KCNN2: variants seen among roughly 807,000 people sequenced by gnomAD.
KCNN2 encodes the protein potassium calcium-activated channel subfamily N member 2.
KCNN2 carries 24 observed loss-of-function variants against 55.5 expected under a neutral mutation model. The observed-to-expected ratio is 0.43, with a 90% CI of 0.31 to 0.61. The LOEUF is 0.61. KCNN2 is among the 20% of genes least tolerant of loss of function. The pLI is 0.08. For missense variants in KCNN2, 754 were observed against 853.6 expected (o/e 0.88, Z 1.45); for synonymous variants, 431 against 336.1 (o/e 1.28, Z -3.09).
intron 2 of KCNN2, among the ~76,000 whole-genome samples, chr5:114,254,664 T>G (rs1754945431): frequency 6.6e-6 from 1 of 152,230 alleles, no homozygotes; most frequent in South Asian, 2.1e-4. Flanking sequence ...CTTTTCTGTA[T>G]TTTAATAGAG....
chr5:114,473,885 G>A (rs1761859911), intron 5 of KCNN2, among the ~76,000 whole-genome samples: 1 of 152,088 alleles, frequency 6.6e-6, no homozygotes, highest in African/African-American at 2.4e-5. Context: ...CTTGCTCAAA[G>A]TCACCAGATC....
intron 2 of KCNN2, among the ~76,000 whole-genome samples, chr5:114,384,328 A>G (rs1758214111): frequency 1.3e-5 from 2 of 152,198 alleles, no homozygotes; most frequent in Non-Finnish European, 2.9e-5. Context: ...CTTTATCCAT[A>G]ATTAGTTGTT....
chr5:114,088,867 C>T (rs919469633), intron 1 of KCNN2, among the ~76,000 whole-genome samples: 5 of 152,146 alleles, frequency 3.3e-5, no homozygotes, highest in Admixed American at 6.5e-5. Flanking sequence ...GTGATCCACC[C>T]ACTTTGTCCT....
intron 2 of KCNN2, among the ~76,000 whole-genome samples, chr5:114,248,738 T>C (rs1561540019): frequency 6.6e-6 from 1 of 152,224 alleles, no homozygotes; most frequent in Non-Finnish European, 1.5e-5. Context: ...ACAATGTACA[T>C]TATTTAAAGC....
At chr5:114,223,539 A>G (rs1259763947) in intron 2 of KCNN2, among the ~76,000 whole-genome samples, 2 of 152,202 alleles carry the variant, frequency 1.3e-5, no homozygotes, top group African/African-American at 2.4e-5. Context: ...ACATGCACAG[A>G]CAGCCAAAAT....
At chr5:114,376,051 G>A (rs188255941) in intron 2 of KCNN2, among the ~76,000 whole-genome samples, 79 of 146,976 alleles carry the variant, frequency 5.4e-4, no homozygotes, top group Middle Eastern at 3.6e-3. Flanking sequence ...CTATTTTTCA[G>A]TTGTTAAGTT....
intron 2 of KCNN2, among the ~76,000 whole-genome samples, chr5:114,260,460 A>C (rs1755083370): frequency 6.6e-6 from 1 of 152,170 alleles, no homozygotes; most frequent in Non-Finnish European, 1.5e-5. Flanking sequence ...GGTCCAAGTC[A>C]GTATCTACAG....
intron 4 of KCNN2, 57 bp downstream of exon 4, chr5:114,463,247 C>T: frequency 7.1e-7 from 1 of 1,402,364 alleles, no homozygotes; most frequent in South Asian, 1.3e-5. Context: ...GCACTTAAAC[C>T]ACTCAGTCCA....
chr5:114,101,674 A>G lies in KCNN2; in HGVS notation c.-271+45174A>G, dbSNP rs192811523. Among the ~76,000 whole-genome samples, 382 of 151,812 alleles carry G rather than the reference A, an allele frequency of 2.5e-3. 2 individuals are homozygous for G. The highest frequency in any genetic ancestry group is 4.0e-3 in the Non-Finnish European group (271 of 67,972). On this transcript the variant is annotated intron_variant, in intron 1 of 10. Transcript: ENST00000512097. ...TGTTCAACCCCCACTTATGAGTGAG[A>G]ACATGTGGTGTTTGGTTTTCTGTTT...
intron 2 of KCNN2, among the ~76,000 whole-genome samples, chr5:114,388,828 A>C (rs779843661): frequency 6.6e-6 from 1 of 152,132 alleles, no homozygotes; most frequent in Non-Finnish European, 1.5e-5. Context: ...TTATTTTAAC[A>C]ATCTGGATAG....
chr5:114,198,386 A>T (rs1237781356), intron 1 of KCNN2, among the ~76,000 whole-genome samples: 1 of 150,158 alleles, frequency 6.7e-6, no homozygotes, highest in East Asian at 1.9e-4. Context: ...ATATACATAT[A>T]TATGTGTATG....
chr5:114,453,254 A>C (rs1456928600), intron 3 of KCNN2, among the ~76,000 whole-genome samples: 1 of 152,204 alleles, frequency 6.6e-6, no homozygotes, highest in African/African-American at 2.4e-5. Context: ...GGCCTGATCT[A>C]TGCCTGCTCA....
chr5:114,164,915 G>A (rs1752877407), intron 1 of KCNN2, among the ~76,000 whole-genome samples: 1 of 152,086 alleles, frequency 6.6e-6, no homozygotes, highest in African/African-American at 2.4e-5. Flanking sequence ...ACTGTTTTAA[G>A]TTTTTTGCAC....
chr5:114,159,530 G>T (rs543198784), intron 1 of KCNN2, among the ~76,000 whole-genome samples: 1 of 152,276 alleles, frequency 6.6e-6, no homozygotes, highest in South Asian at 2.1e-4. Context: ...AATGAGTTAG[G>T]AAGGATTCCC....
chr5:114,070,028 A>G (rs1453649974), intron 1 of KCNN2, among the ~76,000 whole-genome samples: 2 of 152,220 alleles, frequency 1.3e-5, no homozygotes, highest in African/African-American at 4.8e-5. Flanking sequence ...AACATTTTAC[A>G]TCGCATCCAG....
chr5:114,454,028 G>A (rs1236973523), intron 3 of KCNN2, among the ~76,000 whole-genome samples: 3 of 152,022 alleles, frequency 2.0e-5, no homozygotes, highest in Admixed American at 2.0e-4. Context: ...CTGTGTCCAC[G>A]CATTCTCATT....
chr5:114,293,465 T>A (rs1353721975), intron 2 of KCNN2, among the ~76,000 whole-genome samples: 1 of 152,202 alleles, frequency 6.6e-6, no homozygotes, highest in Non-Finnish European at 1.5e-5. Context: ...GGTTTTTGTC[T>A]TTGGTTCTGT....
intron 2 of KCNN2, among the ~76,000 whole-genome samples, chr5:114,262,788 T>C (rs1270333445): frequency 6.6e-6 from 1 of 152,172 alleles, no homozygotes; most frequent in Non-Finnish European, 1.5e-5. Flanking sequence ...GGATTCTCCC[T>C]GCAACTTAAC....
intron 2 of KCNN2, among the ~76,000 whole-genome samples, chr5:114,298,334 C>A (rs775652486): frequency 6.6e-6 from 1 of 152,198 alleles, no homozygotes; most frequent in Admixed American, 6.5e-5. Flanking sequence ...TCCGTAGATG[C>A]CACAGATAGT....
Sources: gnomAD v4.1 joint callset for allele counts (sites outside exome capture counted in the v4.1 genomes callset) on GRCh38, gnomAD v4.1.1 for gene constraint, MANE v1.5 for transcripts, NCBI Gene and HGNC (gene_info 2026-07-23, HGNC 2026-07-21) for gene names.